The following SNX9 variants were observed in gnomAD, a reference collection of about 807,000 sequenced individuals.
SNX9 encodes sorting nexin-9.
A neutral mutation model predicts 89.4 loss-of-function variants in SNX9; 44 were observed. The observed-to-expected ratio is 0.49, with a 90% CI of 0.39 to 0.63. SNX9 has a LOEUF of 0.63. Among genes scored for constraint, SNX9 ranks in the 30% least tolerant of loss-of-function variants. The pLI, the probability that SNX9 is intolerant of heterozygous loss-of-function variation, is 0.00. For missense variants in SNX9, 578 were observed against 736.1 expected (o/e 0.79, Z 2.49); for synonymous variants, 236 against 247.8 (o/e 0.95, Z 0.45).
chr6:157,844,600 G>GTTGTTTTTTTTTTTTTTTTTTTTTTTT (rs1781767274), intron 1 of SNX9, among the ~76,000 whole-genome samples: 1 of 131,830 alleles, frequency 7.6e-6, no homozygotes, highest in East Asian at 2.3e-4. Flanking sequence ...TTTTTTTTTT[G>GTTGTTTTTTTTTTTTTTTTTTTTTTTT]TTTTTTTTTT....
chr6:157,838,115 C>G (rs1267884895), intron 1 of SNX9, among the ~76,000 whole-genome samples: 1 of 151,972 alleles, frequency 6.6e-6, no homozygotes, highest in East Asian at 1.9e-4. Context: ...CGGGCTCGAA[C>G]AATCTTTCCA....
rs1482636854 is a variant in SNX9, at chr6:157,826,828, T to G, written c.12+3382T>G. Among the ~76,000 whole-genome samples the G allele has an allele frequency of 2.2e-3, 218 of 98,948 alleles. 30 individuals are homozygous for G. The highest frequency in any genetic ancestry group is 9.5e-3 in the African/African-American group (158 of 16,654). 64.9% of individuals were successfully genotyped at this position (98,948 alleles called of 152,430 possible). A position where few individuals can be genotyped will look rare whatever the true frequency, so the allele number is the denominator to read the frequency against. ...ATTTTATATATAAATATATATTATA[T>G]TTTATATATATATTATATTTTATAT... On this transcript the variant is annotated intron_variant, in intron 1 of 17. Transcript: ENST00000392185.
chr6:157,932,647 C>T (rs1255331427), intron 13 of SNX9, among the ~76,000 whole-genome samples: 1 of 151,954 alleles, frequency 6.6e-6, no homozygotes, highest in Non-Finnish European at 1.5e-5. Context: ...GGGCAAATCA[C>T]TTGAGTCCAG....
chr6:157,843,446 T>A (rs1308544248), intron 1 of SNX9, among the ~76,000 whole-genome samples: 1 of 152,180 alleles, frequency 6.6e-6, no homozygotes, highest in Non-Finnish European at 1.5e-5. Context: ...AAAATGTTAT[T>A]GAGAAAATCA....
At chr6:157,885,373 T>C (rs1782712046) in intron 4 of SNX9, 1 of 152,246 alleles carries the variant, frequency 6.6e-6, no homozygotes, top group Non-Finnish European at 1.5e-5. Flanking sequence ...AATTAGGTCA[T>C]GTCCTTTGAG....
At chr6:157,927,082 C>T in intron 10 of SNX9, 29 bp from the exon 11 acceptor site, 3 of 1,573,072 alleles carry the variant, frequency 1.9e-6, no homozygotes, top group Non-Finnish European at 1.8e-6. Flanking sequence ...GTGCTCTCCA[C>T]TTGAACCTTA....
chr6:157,941,447 G>A (rs1303085160), intron 17 of SNX9, among the ~76,000 whole-genome samples: 2 of 152,222 alleles, frequency 1.3e-5, no homozygotes, highest in East Asian at 1.9e-4. Context: ...CCAAAAAAGC[G>A]AGATGTGGGA....
intron 10 of SNX9, among the ~76,000 whole-genome samples, chr6:157,926,802 AAAGT>A (rs1222089835): frequency 1.1e-4 from 16 of 151,492 alleles, no homozygotes; most frequent in Non-Finnish European, 1.9e-4. Context: ...AAAAAAAAAA[AAAGT>A]ATAGGGTGTT....
At chr6:157,912,615 T>C (rs1783371854) in intron 9 of SNX9, among the ~76,000 whole-genome samples, 1 of 152,144 alleles carries the variant, frequency 6.6e-6, no homozygotes, top group Admixed American at 6.5e-5. Context: ...CACAGATCAT[T>C]ATTATGTAAG....
intron 4 of SNX9, among the ~76,000 whole-genome samples, chr6:157,878,383 A>G (rs932510401): frequency 1.3e-5 from 2 of 152,232 alleles, no homozygotes; most frequent in Admixed American, 1.3e-4. Context: ...ACTTGGAGAA[A>G]ATAATAGACA....
At chr6:157,886,295 TA>T (rs893445660) in intron 4 of SNX9, among the ~76,000 whole-genome samples, 47 of 149,162 alleles carry the variant, frequency 3.2e-4, no homozygotes, top group South Asian at 1.3e-3. Flanking sequence ...GAATACAACA[TA>T]AAAAAAAAAT....
chr6:157,833,238 G>A (rs767298659), intron 1 of SNX9, among the ~76,000 whole-genome samples: 4 of 152,008 alleles, frequency 2.6e-5, no homozygotes, highest in Non-Finnish European at 5.9e-5. Context: ...TTGTTTTATA[G>A]TCTCAAGATT....
intron 1 of SNX9, among the ~76,000 whole-genome samples, chr6:157,860,341 G>C (rs141974380): frequency 0.013 from 1,918 of 152,316 alleles, 36 homozygotes; most frequent in African/African-American, 0.041. Context: ...AGGAGTTCAA[G>C]GCTGCAGTGA....
intron 1 of SNX9, among the ~76,000 whole-genome samples, chr6:157,847,192 T>A (rs1781822000): frequency 1.3e-5 from 2 of 152,154 alleles, no homozygotes; most frequent in African/African-American, 4.8e-5. Flanking sequence ...AGCTTCCACC[T>A]CTTGGGCTCA....
At chr6:157,869,061 C>T (rs1027752815) in intron 2 of SNX9, among the ~76,000 whole-genome samples, 3 of 152,200 alleles carry the variant, frequency 2.0e-5, no homozygotes, top group African/African-American at 7.2e-5. Flanking sequence ...CCTTGTTTTC[C>T]AGAGAGGTCT....
chr6:157,884,165 T>TA (rs1450446049), intron 4 of SNX9, among the ~76,000 whole-genome samples: 5 of 152,204 alleles, frequency 3.3e-5, no homozygotes, highest in Admixed American at 1.3e-4. Flanking sequence ...AAGATTCTCT[T>TA]ACAGAAAATT....
At chr6:157,901,350 C>A (rs1783094099) in intron 5 of SNX9, among the ~76,000 whole-genome samples, 1 of 152,152 alleles carries the variant, frequency 6.6e-6, no homozygotes, top group Non-Finnish European at 1.5e-5. Flanking sequence ...TCCATGTAGT[C>A]CCGCCTGTTA....
chr6:157,862,930 G>GGA (rs1157079350), intron 1 of SNX9, among the ~76,000 whole-genome samples: 2 of 152,288 alleles, frequency 1.3e-5, no homozygotes, highest in East Asian at 3.9e-4. Flanking sequence ...AAGCTCATGA[G>GGA]GAGATACATT....
chr6:157,861,229 A>G (rs974040797), intron 1 of SNX9, among the ~76,000 whole-genome samples: 1 of 152,206 alleles, frequency 6.6e-6, no homozygotes, highest in African/African-American at 2.4e-5. Flanking sequence ...CATCTTGACT[A>G]TACTTTTGAA....
Sources: allele counts gnomAD v4.1 joint callset (sites outside exome capture counted in the v4.1 genomes callset), GRCh38; gene constraint gnomAD v4.1.1; transcripts MANE v1.5; gene names NCBI Gene and HGNC (gene_info 2026-07-23, HGNC 2026-07-21).